Variants in C5AR1 observed in about 807,000 individuals in gnomAD.
C5AR1 encodes C5a anaphylatoxin chemotactic receptor 1.
C5AR1 carries 4 observed loss-of-function variants against 2.4 expected under a neutral mutation model. The observed-to-expected ratio is 1.65, with a 90% CI of 0.81 to 3.77. The LOEUF (loss-of-function observed/expected upper bound fraction) is 3.77, where lower values mean the gene tolerates loss of function less well. Among genes scored for constraint, C5AR1 ranks in the 30% most tolerant of loss-of-function variants. The pLI is 0.01. For synonymous variants in C5AR1, 209 were observed against 210.4 expected, an observed-to-expected ratio of 0.99 and a Z score of 0.06; for missense variants, 418 against 462.5, an observed-to-expected ratio of 0.90 and a Z score of 0.88.
In C5AR1 at chr19:47,319,814, C is replaced by T. The variant is rs1222767478; in HGVS notation, c.37C>T (p.His13Tyr). 1 of 1,612,930 alleles carries T rather than the reference C, an allele frequency of 6.2e-7. No individual in the cohort carries two copies. Among genetic ancestry groups the T allele is most frequent in the Non-Finnish European group, 8.5e-7 (1 of 1,179,008 alleles). The change falls in exon 2 of 2, where the codon CAC becomes TAC. Residue 13 changes from histidine (H) to tyrosine (Y), a missense_variant. Physicochemically the swap from His to Tyr is moderately conservative, Grantham distance 83. Coordinates refer to ENST00000355085, the MANE Select transcript of C5AR1 (RefSeq NM_001736.4). ...CAATTATACCACCCCTGATTATGGG[C>T]ACTATGATGACAAGGATACCCTGGA... Reference protein sequence around the residue: ...SFNYTTPDYGHYDDKDTLDLN... With the variant: ...SFNYTTPDYGYYDDKDTLDLN...
chr19:47,314,914 G>C (rs185196670), intron 1 of C5AR1, among the ~76,000 whole-genome samples: 3 of 151,962 alleles, frequency 2.0e-5, no homozygotes, highest in Non-Finnish European at 4.4e-5. Context: ...GTCTGGGCTT[G>C]AACTCCTGAC....
At chr19:47,309,628 G>A (rs986292546), upstream of C5AR1, among the ~76,000 whole-genome samples, 5 of 150,946 alleles carry the variant, frequency 3.3e-5, no homozygotes, top group African/African-American at 1.2e-4. Flanking sequence ...GGGAAACCAA[G>A]GCCAGGAGAG....
In C5AR1 at chr19:47,319,970, G is replaced by T; in HGVS notation, c.193G>T (p.Glu65Ter). The T allele has an allele frequency of 6.2e-7, 1 of 1,614,214 alleles. No individual in the cohort carries two copies. Among genetic ancestry groups the T allele is most frequent in the African/African-American group, 1.3e-5 (1 of 75,048 alleles). ...CCTGGTGGTCTGGGTGACGGCATTC[G>T]AGGCCAAGCGGACCATCAATGCCAT... Reference protein sequence around the residue: ...NALVVWVTAFEAKRTINAIWF... With the variant: ...NALVVWVTAF The change falls in exon 2 of 2, where the codon GAG becomes TAG. Residue 65 changes from glutamate (E) to a stop codon, truncating the protein, a stop_gained. Coordinates refer to ENST00000355085, the MANE Select transcript of C5AR1 (RefSeq NM_001736.4). LOFTEE classifies it low-confidence loss of function (END_TRUNC).
chr19:47,315,080 G>T (rs577335044), intron 1 of C5AR1, among the ~76,000 whole-genome samples: 3 of 152,026 alleles, frequency 2.0e-5, no homozygotes, highest in African/African-American at 7.2e-5. Flanking sequence ...ATAGGGTCTT[G>T]CTAGGTTACC....
chr19:47,320,886 C>G lies in C5AR1; in HGVS notation c.*56C>G. On this transcript the variant is annotated 3_prime_UTR_variant, in exon 2 of 2. Coordinates refer to ENST00000355085, the MANE Select transcript of C5AR1 (RefSeq NM_001736.4). The surrounding 1 kb of genome is among the most constrained non-coding windows in gnomAD (Gnocchi z 4.9). ...TGTCCCCTTCCTTCCCGGCCATTCT[C>G]CCTCTTGTTTTCACTTCACTTTTCG... The G allele has an allele frequency of 2.0e-6, 3 of 1,479,598 alleles. No individual in the cohort carries two copies. Among genetic ancestry groups the G allele is most frequent in the Non-Finnish European group, 2.8e-6 (3 of 1,090,380 alleles). 91.7% of individuals were successfully genotyped at this position (1,479,598 alleles called of 1,614,324 possible). A position where few individuals can be genotyped will look rare whatever the true frequency, so the allele number is the denominator to read the frequency against.
rs368106473 is a variant in C5AR1, at chr19:47,321,065, CCA to C, written c.*243_*244del. On this transcript the variant is annotated 3_prime_UTR_variant, in exon 2 of 2. Coordinates refer to ENST00000355085, the MANE Select transcript of C5AR1 (RefSeq NM_001736.4). ...AGCACCCTCCCACCCCCCACCCCCC[CCA>C]CACACACCATCTTTCCATCCCAGGC... 1,001 of 239,944 alleles carry C rather than the reference CCA, an allele frequency of 4.2e-3. No individual in the cohort carries two copies. The highest frequency in any genetic ancestry group is 4.6e-3 in the Non-Finnish European group (637 of 139,988). 14.9% of individuals were successfully genotyped at this position (239,944 alleles called of 1,614,324 possible).
chr19:47,317,192 CAAAAAAA>C (rs1238972530), intron 1 of C5AR1, among the ~76,000 whole-genome samples: 2 of 74,140 alleles, frequency 2.7e-5, no homozygotes, highest in South Asian at 7.7e-4. Flanking sequence ...GACCCCGTCT[CAAAAAAA>C]AAAAAAAAAA....
chr19:47,318,904 T>TTG (rs1464953154), intron 1 of C5AR1, among the ~76,000 whole-genome samples: 1 of 147,214 alleles, frequency 6.8e-6, no homozygotes, highest in African/African-American at 2.5e-5. Context: ...TTTTTTTTTT[T>TTG]AGATGGAGTC....
At chr19:47,309,788 G>C, upstream of C5AR1, 2 of 1,253,890 alleles carry the variant, frequency 1.6e-6, no homozygotes, top group Non-Finnish European at 2.3e-6. Context: ...GAGAGCCCCA[G>C]AGAGAAAGAC....
At chr19:47,310,584 G>A (rs2059266583) in intron 1 of C5AR1, among the ~76,000 whole-genome samples, 1 of 152,124 alleles carries the variant, frequency 6.6e-6, no homozygotes. Context: ...TTGAACTCTT[G>A]GGCTCAAGTG....
At chr19:47,308,709 C>T (rs894269403), upstream of C5AR1, among the ~76,000 whole-genome samples, 2 of 151,828 alleles carry the variant, frequency 1.3e-5, no homozygotes, top group Non-Finnish European at 2.9e-5. Context: ...GCACCCACCA[C>T]CACGCCTGGC....
chr19:47,307,892 G>A (rs2059258263), upstream of C5AR1: 1 of 151,994 alleles, frequency 6.6e-6, no homozygotes, highest in South Asian at 2.1e-4. Context: ...TGATCTGTCA[G>A]ATCAGGGGCG....
intron 1 of C5AR1, among the ~76,000 whole-genome samples, chr19:47,311,829 G>C (rs896766451): frequency 6.6e-6 from 1 of 152,030 alleles, no homozygotes; most frequent in Non-Finnish European, 1.5e-5. Context: ...GTCTCCCAAA[G>C]TGCTGGGATT....
upstream of C5AR1, among the ~76,000 whole-genome samples, chr19:47,308,354 G>A (rs763262502): frequency 3.3e-5 from 5 of 151,756 alleles, no homozygotes; most frequent in African/African-American, 1.2e-4. Context: ...GGACCATCTC[G>A]TTACAGGAAA....
intron 1 of C5AR1, 93 bp from the exon 2 acceptor site, chr19:47,319,688 A>G: frequency 1.3e-6 from 1 of 784,944 alleles, no homozygotes; most frequent in Non-Finnish European, 2.1e-6. Flanking sequence ...AAAAAGCCAC[A>G]CAGGGGAAAA....
At chr19:47,318,157 T>A (rs899672252) in intron 1 of C5AR1, among the ~76,000 whole-genome samples, 2 of 152,104 alleles carry the variant, frequency 1.3e-5, no homozygotes, top group African/African-American at 4.8e-5. Context: ...ACTCACCTCT[T>A]GGAAATGGTC....
chr19:47,318,083 C>T (rs1173375518), intron 1 of C5AR1, among the ~76,000 whole-genome samples: 1 of 152,034 alleles, frequency 6.6e-6, no homozygotes. Context: ...TTCTTGCTGT[C>T]CCCTTTTCTC....
In C5AR1 at chr19:47,321,728, A is replaced by G. The variant is rs1159107406; in HGVS notation, c.*898A>G. 6.6e-6 allele frequency: 1 copy of G among 152,198 alleles called. No homozygotes were observed. The highest frequency in any genetic ancestry group is 1.5e-5 in the Non-Finnish European group (1 of 68,044). 9.4% of individuals were successfully genotyped at this position (152,198 alleles called of 1,614,324 possible). A position where few individuals can be genotyped will look rare whatever the true frequency, so the allele number is the denominator to read the frequency against. ...TGCAAACTCAACACAATTGTAAGTA[A>G]TGATACAGAGGGATCTTGTGTACCC... On this transcript the variant is annotated 3_prime_UTR_variant, in exon 2 of 2. Coordinates refer to ENST00000355085, the MANE Select transcript of C5AR1 (RefSeq NM_001736.4).
At chr19:47,309,229 A>G (rs567163369), upstream of C5AR1, among the ~76,000 whole-genome samples, 2 of 152,232 alleles carry the variant, frequency 1.3e-5, no homozygotes, top group East Asian at 3.9e-4. Flanking sequence ...GTTTAAGCCA[A>G]CTGCATTCCT....
Sources: allele counts gnomAD v4.1 joint callset (sites outside exome capture counted in the v4.1 genomes callset), GRCh38; gene constraint gnomAD v4.1.1; non-coding constraint Gnocchi (gnomAD v3.1); transcripts MANE v1.5; gene names NCBI Gene and HGNC (gene_info 2026-07-23, HGNC 2026-07-21).